PLCL1: variants seen among roughly 807,000 people sequenced by gnomAD.
PLCL1 encodes the protein phospholipase C like 1 (inactive).
Under a neutral mutation model 84.4 loss-of-function variants are expected in PLCL1, and 41 were observed. The ratio of observed to expected loss-of-function variants is 0.49; its 90% CI spans 0.38 to 0.63. The LOEUF is 0.63. Ranked by LOEUF, PLCL1 falls within the 30% of genes least tolerant of loss-of-function variation. The pLI is 0.00. For synonymous variants in PLCL1, 490 were observed against 488.3 expected (o/e 1.00, Z -0.05); for missense variants, 1,206 against 1,367.8 (o/e 0.88, Z 1.87).
chr2:198,094,035 T>G (rs1002308134), intron 3 of PLCL1, among the ~76,000 whole-genome samples: 2 of 152,096 alleles, frequency 1.3e-5, no homozygotes, highest in African/African-American at 2.4e-5. Flanking sequence ...GGTTTTAAAA[T>G]TCAGTCTTAA....
chr2:198,033,305 T>C (rs1479109664), intron 1 of PLCL1, among the ~76,000 whole-genome samples: 4 of 152,124 alleles, frequency 2.6e-5, no homozygotes, highest in Non-Finnish European at 5.9e-5. Context: ...TAAATGCAGG[T>C]TCTTCTCACA....
chr2:197,804,710 G>A lies in PLCL1; in HGVS notation c.-390G>A. The A allele has an allele frequency of 6.2e-6, 1 of 160,742 alleles. No homozygotes were observed. The highest frequency in any genetic ancestry group is 1.4e-5 in the Non-Finnish European group (1 of 73,982). 10.0% of individuals were successfully genotyped at this position (160,742 alleles called of 1,614,324 possible). A position where few individuals can be genotyped will look rare whatever the true frequency, so the allele number is the denominator to read the frequency against. ...GCCCGGCTCTGGCCCCTATCGGGCC[G>A]CCGGCGTCCGGGCTCCAGAGGCCGC... On this transcript the variant is annotated 5_prime_UTR_variant, in exon 1 of 6. Coordinates refer to ENST00000428675, the MANE Select transcript of PLCL1 (RefSeq NM_006226.4).
chr2:198,077,260 A>C (rs1692598001), intron 1 of PLCL1, among the ~76,000 whole-genome samples: 1 of 152,174 alleles, frequency 6.6e-6, no homozygotes, highest in South Asian at 2.1e-4. Context: ...TAAAAGGAAC[A>C]CCATCATGGC....
intron 5 of PLCL1, among the ~76,000 whole-genome samples, chr2:198,134,341 ACCAGT>A (rs1055657815): frequency 6.6e-6 from 1 of 152,040 alleles, no homozygotes; most frequent in Admixed American, 6.6e-5. Flanking sequence ...AAATCTCCAA[ACCAGT>A]CATTGTGGAG....
At chr2:197,933,298 C>G (rs1384636150) in intron 1 of PLCL1, among the ~76,000 whole-genome samples, 20 of 131,884 alleles carry the variant, frequency 1.5e-4, no homozygotes, top group African/African-American at 5.1e-4. Context: ...GAGTCTCTCT[C>G]TGTTGCCCAG....
Position 198,050,338 on chromosome 2 carries a change from C to T in PLCL1, c.241-33420C>T, listed in dbSNP as rs913876334. 2.0e-5 allele frequency among the ~76,000 whole-genome samples: 3 copies of T among 151,988 alleles called. No homozygotes were observed. The South Asian group carries it at 6.3e-4, about 32-fold the overall frequency. On this transcript the variant is annotated intron_variant, in intron 1 of 5. Transcript: ENST00000428675. Reference sequence around the variant, plus strand: ...GAAAGTAAAAGTAACTCTTCAATACCCAGTACATGGTTAATATGTAGATAC... The same window carrying T: ...GAAAGTAAAAGTAACTCTTCAATACTCAGTACATGGTTAATATGTAGATAC...
chr2:197,919,850 A>G (rs1688671467), intron 1 of PLCL1, among the ~76,000 whole-genome samples: 1 of 152,220 alleles, frequency 6.6e-6, no homozygotes, highest in Non-Finnish European at 1.5e-5. Context: ...ATGAATGAGA[A>G]ATAAACTCAT....
At chr2:198,055,521 G>GCTTTTTTTT (rs35503807) in intron 1 of PLCL1, among the ~76,000 whole-genome samples, 1 of 144,836 alleles carries the variant, frequency 6.9e-6, no homozygotes. Flanking sequence ...CTTTTATTTT[G>GCTTTTTTTT]TTTTTTTTTT....
rs532880247 is a variant in PLCL1 at position 198,095,149 on chromosome 2, G to GA, written c.2919+6091dup. ...CTCTGCTCATCAGGAAAGTTTTCCA[G>GA]AAACTGTCCCTGGAGCTTAATTTGA... On this transcript the variant is annotated intron_variant, in intron 3 of 5. Transcript: ENST00000428675. Among the ~76,000 whole-genome samples the GA allele has an allele frequency of 1.7e-4, 26 of 152,296 alleles. No homozygotes were observed. In the South Asian group the frequency reaches 5.2e-3, roughly 30 times the overall value.
intron 1 of PLCL1, among the ~76,000 whole-genome samples, chr2:197,810,770 G>A (rs1323858156): frequency 4.6e-5 from 7 of 152,216 alleles, no homozygotes; most frequent in Non-Finnish European, 1.0e-4. Flanking sequence ...TCTTCTTTGC[G>A]CCCTCACTCA....
At chr2:198,132,956 T>C (rs1694157372) in intron 5 of PLCL1, among the ~76,000 whole-genome samples, 1 of 151,510 alleles carries the variant, frequency 6.6e-6, no homozygotes, top group African/African-American at 2.4e-5. Context: ...GTTTTTATGG[T>C]TTTAGGTCTA....
intron 1 of PLCL1, among the ~76,000 whole-genome samples, chr2:197,991,076 A>G (rs1356842341): frequency 6.6e-6 from 1 of 152,112 alleles, no homozygotes; most frequent in African/African-American, 2.4e-5. Context: ...TCTGGATGAG[A>G]TTAGCATTTG....
chr2:197,807,451 C>T (rs1690508178), intron 1 of PLCL1, among the ~76,000 whole-genome samples: 2 of 25,598 alleles, frequency 7.8e-5, no homozygotes, highest in Admixed American at 5.9e-4. Flanking sequence ...TCATTGGGGT[C>T]TGTTCCCAGA....
chr2:197,839,529 G>A (rs1240514303), intron 1 of PLCL1, among the ~76,000 whole-genome samples: 1 of 152,212 alleles, frequency 6.6e-6, no homozygotes, highest in African/African-American at 2.4e-5. Context: ...GAGCTCAGTT[G>A]TTAATGCTCA....
Position 197,805,596 on chromosome 2 carries a change from TC to T in PLCL1, c.240+260del, listed in dbSNP as rs980529941. ...CGTCTTTGCGTTCTGATGGATGCTTTCCCTCATTTTCTCTGCAAGCTTCACT... is the reference window on the plus strand; with the variant it reads ...CGTCTTTGCGTTCTGATGGATGCTTTCCTCATTTTCTCTGCAAGCTTCACT... On this transcript the variant is annotated intron_variant, in intron 1 of 5. Transcript: ENST00000428675. The surrounding 1 kb of genome is among the most constrained non-coding windows in gnomAD (Gnocchi z 4.0). Among the ~76,000 whole-genome samples, 1 of 152,172 alleles carries T rather than the reference TC, an allele frequency of 6.6e-6. No individual in the cohort carries two copies. Among genetic ancestry groups the T allele is most frequent in the Non-Finnish European group, 1.5e-5 (1 of 68,026 alleles).
chr2:197,897,580 A>G (rs912021459), intron 1 of PLCL1, among the ~76,000 whole-genome samples: 1 of 152,128 alleles, frequency 6.6e-6, no homozygotes, highest in African/African-American at 2.4e-5. Flanking sequence ...AGAAAAAAAC[A>G]AACAAAAATT....
chr2:198,124,337 T>C (rs1693939236), intron 5 of PLCL1, among the ~76,000 whole-genome samples: 1 of 152,162 alleles, frequency 6.6e-6, no homozygotes, highest in East Asian at 1.9e-4. Flanking sequence ...AAAATAATTA[T>C]AATTGTCTGA....
chr2:197,818,954 G>C (rs773470521), intron 1 of PLCL1, among the ~76,000 whole-genome samples: 4 of 152,090 alleles, frequency 2.6e-5, no homozygotes, highest in Non-Finnish European at 5.9e-5. Flanking sequence ...AGGGATGGGA[G>C]GGAAAAGGTC....
At chr2:197,810,862 A>G (rs145206003) in intron 1 of PLCL1, among the ~76,000 whole-genome samples, 990 of 90,764 alleles carry the variant, frequency 0.011, 7 homozygotes, top group Non-Finnish European at 0.014. Flanking sequence ...TGTGCTTAAC[A>G]CTGTATATTT....
Sources: gnomAD v4.1 joint callset for allele counts (sites outside exome capture counted in the v4.1 genomes callset) on GRCh38, gnomAD v4.1.1 for gene constraint, Gnocchi (gnomAD v3.1) non-coding constraint, MANE v1.5 for transcripts, NCBI Gene and HGNC (gene_info 2026-07-23, HGNC 2026-07-21) for gene names.